RPTOR: variants seen among roughly 807,000 people sequenced by gnomAD.
RPTOR encodes the protein regulatory-associated protein of mTOR.
RPTOR carries 21 observed loss-of-function variants against 169.9 expected under a neutral mutation model. The ratio of observed to expected loss-of-function variants is 0.12; its 90% confidence interval spans 0.09 to 0.18. The LOEUF (loss-of-function observed/expected upper bound fraction) is 0.18, where lower values mean the gene tolerates loss of function less well. Ranked by LOEUF, RPTOR falls within the 10% of genes least tolerant of loss-of-function variation. The pLI is 1.00. For missense variants in RPTOR, 1,133 were observed against 1,855.9 expected (o/e 0.61, Z 7.16); for synonymous variants, 732 against 753.2 (o/e 0.97, Z 0.46).
chr17:80,752,961 A>T (rs577131361), intron 5 of RPTOR, among the ~76,000 whole-genome samples: 9 of 141,854 alleles, frequency 6.3e-5, no homozygotes, highest in Non-Finnish European at 1.3e-4. Context: ...TCAGCTTCAC[A>T]TATGATACTT....
intron 3 of RPTOR, among the ~76,000 whole-genome samples, chr17:80,685,153 T>G (rs887551649): frequency 1.3e-5 from 2 of 151,964 alleles, no homozygotes; most frequent in Admixed American, 6.6e-5. Context: ...GAGTCGCCCC[T>G]CATTCAGGGT....
intron 6 of RPTOR, among the ~76,000 whole-genome samples, chr17:80,771,020 G>A (rs1466989034): frequency 5.3e-5 from 8 of 152,218 alleles, no homozygotes; most frequent in Non-Finnish European, 1.2e-4. Context: ...AACCATCGAG[G>A]TGATCGCTGC....
intron 4 of RPTOR, among the ~76,000 whole-genome samples, chr17:80,715,597 T>C (rs2066232828): frequency 6.7e-6 from 1 of 149,988 alleles, no homozygotes; most frequent in Non-Finnish European, 1.5e-5. Context: ...TTTTTTTTTT[T>C]CAATTTTTTA....
At chr17:80,822,853 A>G (rs753061814) in intron 8 of RPTOR, among the ~76,000 whole-genome samples, 2 of 152,116 alleles carry the variant, frequency 1.3e-5, no homozygotes, top group Admixed American at 6.5e-5. Context: ...ACACCTGTGC[A>G]CACACATGTA....
In RPTOR at chr17:80,945,764, C is replaced by T. The variant is rs199631709; in HGVS notation, c.3123C>T (p.Ala1041=). Residue 1041 remains alanine (A), a synonymous_variant, in exon 26 of 34, where the codon GCC becomes GCT. Transcript: ENST00000306801. The part of the protein sequence containing the change: ...FHPFTPCIAV[A]DKDSICFWDW... Reference sequence around the variant, plus strand: ...CCTTCACGCCGTGCATCGCCGTAGCCGACAAGGACAGCATCTGGTATGCAC... The same window carrying T: ...CCTTCACGCCGTGCATCGCCGTAGCTGACAAGGACAGCATCTGGTATGCAC... The T allele has an allele frequency of 6.4e-5, 103 of 1,609,630 alleles. 2 individuals are homozygous for T. The South Asian group carries it at 6.7e-4, about 11-fold the overall frequency.
chr17:80,810,528 T>C lies in RPTOR; in HGVS notation c.891-11673T>C, dbSNP rs563505842. On this transcript the variant is annotated intron_variant, in intron 7 of 33. Transcript: ENST00000306801. The stretch of plus-strand genomic sequence containing the variant: ...TTGGCATAAAGATAGGAATACCACA[T>C]TACCTTGATCACGGTAGCTTTATTG... Among the ~76,000 whole-genome samples, 10 of 152,364 alleles carry C rather than the reference T, an allele frequency of 6.6e-5. No individual in the cohort carries two copies. The South Asian group carries it at 2.1e-3, about 32-fold the overall frequency.
Position 80,813,740 on chromosome 17 carries a change from C to T in RPTOR, c.891-8461C>T, listed in dbSNP as rs149543884. 8.7e-3 allele frequency among the ~76,000 whole-genome samples: 1,330 copies of T among 152,284 alleles called. 4 individuals carry two copies. Among genetic ancestry groups the T allele is most frequent in the Admixed American group, 0.015 (227 of 15,294 alleles). The stretch of plus-strand genomic sequence containing the variant: ...ATTTGCAGTAAGTAAGTGAACCAGC[C>T]CAAGCTTCTCTACACCGTCATTTTC... On this transcript the variant is annotated intron_variant, in intron 7 of 33. Transcript: ENST00000306801.
chr17:80,574,734 C>T lies in RPTOR; in HGVS notation c.162+28943C>T, dbSNP rs187442404. On this transcript the variant is annotated intron_variant, in intron 1 of 33. Coordinates refer to ENST00000306801, the MANE Select transcript of RPTOR (RefSeq NM_020761.3). ...GCAGTGGTGCGATCATGGCTCACTG[C>T]AGCTTTGAACTCCTGAGCTCAAGCG... Among the ~76,000 whole-genome samples the T allele has an allele frequency of 2.0e-3, 309 of 152,020 alleles. 2 individuals are homozygous for T. The highest frequency in any genetic ancestry group is 7.2e-3 in the African/African-American group (299 of 41,490).
intron 3 of RPTOR, among the ~76,000 whole-genome samples, chr17:80,702,173 A>C (rs1225724110): frequency 6.6e-6 from 1 of 152,204 alleles, no homozygotes; most frequent in Non-Finnish European, 1.5e-5. Context: ...CGTCACTGAG[A>C]AGGAAATGAA....
intron 2 of RPTOR, 43 bp downstream of exon 2, chr17:80,625,836 C>A: frequency 7.1e-7 from 1 of 1,413,018 alleles, no homozygotes; most frequent in Non-Finnish European, 1.0e-6. Context: ...GGCCGTCTGG[C>A]CGGCTCTGGC....
chr17:80,911,560 G>A (rs1026011251), intron 21 of RPTOR, among the ~76,000 whole-genome samples: 3 of 152,130 alleles, frequency 2.0e-5, no homozygotes, highest in Non-Finnish European at 2.9e-5. Context: ...GGCGAGAGAC[G>A]ATCACTTGAG....
At chr17:80,737,982 G>A (rs923524772) in intron 5 of RPTOR, among the ~76,000 whole-genome samples, 1 of 152,116 alleles carries the variant, frequency 6.6e-6, no homozygotes, top group Non-Finnish European at 1.5e-5. Context: ...CCAAAGCCCC[G>A]CTGGGGAGAA....
intron 17 of RPTOR, 78 bp downstream of exon 17, chr17:80,885,226 C>T (rs990456374): frequency 1.6e-4 from 244 of 1,483,466 alleles, no homozygotes; most frequent in Non-Finnish European, 2.1e-4. Flanking sequence ...CCCGCATGGC[C>T]CTGACCACAG....
At chr17:80,740,584 G>T (rs2066473446) in intron 5 of RPTOR, among the ~76,000 whole-genome samples, 1 of 152,210 alleles carries the variant, frequency 6.6e-6, no homozygotes, top group Non-Finnish European at 1.5e-5. Context: ...GTGACTTAGT[G>T]AGTTTTTTTA....
At chr17:80,893,323 C>CGCGCCAGGTGTGTGT (rs2068352097) in intron 19 of RPTOR, among the ~76,000 whole-genome samples, 2 of 122,278 alleles carry the variant, frequency 1.6e-5, no homozygotes, top group Admixed American at 1.7e-4. Flanking sequence ...CAGGTGTGTG[C>CGCGCCAGGTGTGTGT]GCGCGCCAGG....
chr17:80,777,738 C>G (rs1030550056), intron 6 of RPTOR, among the ~76,000 whole-genome samples: 1 of 152,230 alleles, frequency 6.6e-6, no homozygotes, highest in Non-Finnish European at 1.5e-5. Flanking sequence ...TTAGCTGTTA[C>G]GTCTAGGCCT....
intron 9 of RPTOR, among the ~76,000 whole-genome samples, chr17:80,837,696 C>G (rs1277131175): frequency 6.6e-6 from 1 of 152,158 alleles, no homozygotes; most frequent in South Asian, 2.1e-4. Context: ...ATGCTGGCAG[C>G]GCCAGCGTTC....
intron 11 of RPTOR, among the ~76,000 whole-genome samples, chr17:80,854,984 A>G (rs56131673): frequency 0.11 from 16,577 of 152,276 alleles, 3,005 homozygotes; most frequent in African/African-American, 0.37. Flanking sequence ...AGAATTGTGT[A>G]CATTTGCATA....
chr17:80,799,711 C>T (rs946456220), intron 7 of RPTOR, among the ~76,000 whole-genome samples: 1 of 151,540 alleles, frequency 6.6e-6, no homozygotes, highest in Non-Finnish European at 1.5e-5. Flanking sequence ...TCTGCACACC[C>T]CTCCCCTCCC....
Sources: allele counts gnomAD v4.1 joint callset (sites outside exome capture counted in the v4.1 genomes callset), GRCh38; gene constraint gnomAD v4.1.1; transcripts MANE v1.5; gene names NCBI Gene and HGNC (gene_info 2026-07-23, HGNC 2026-07-21).